Variants in RARB observed in about 807,000 individuals in gnomAD.
The protein encoded by RARB is HBV-activated protein.
Under a neutral mutation model 51.9 loss-of-function variants are expected in RARB, and 17 were observed. The ratio of observed to expected loss-of-function variants is 0.33; its 90% CI spans 0.22 to 0.49. The LOEUF (loss-of-function observed/expected upper bound fraction) is 0.49. RARB is among the 20% of genes least tolerant of loss of function. The pLI, the probability that RARB is intolerant of heterozygous loss-of-function variation, is 0.99. For missense variants in RARB, 369 were observed against 550.8 expected (o/e 0.67, Z 3.30); for synonymous variants, 215 against 195.4 (o/e 1.10, Z -0.84).
intron 3 of RARB, among the ~76,000 whole-genome samples, chr3:25,516,156 G>T (rs974561250): frequency 6.6e-6 from 1 of 152,098 alleles, no homozygotes; most frequent in African/African-American, 2.4e-5. Flanking sequence ...ACCCCAAATT[G>T]CATCAACCCA....
intron 1 of RARB, among the ~76,000 whole-genome samples, chr3:24,839,945 G>T (rs932776894): frequency 6.6e-6 from 1 of 152,168 alleles, no homozygotes; most frequent in African/African-American, 2.4e-5. Flanking sequence ...GTCTCCAGCT[G>T]AGTGGGAGCA....
chr3:24,898,973 C>G (rs1703538998), intron 2 of RARB, among the ~76,000 whole-genome samples: 1 of 152,150 alleles, frequency 6.6e-6, no homozygotes, highest in Non-Finnish European at 1.5e-5. Flanking sequence ...ATGACCACCT[C>G]TGGCTTGAAG....
chr3:25,418,360 A>G (rs1340263590), intron 5 of RARB, among the ~76,000 whole-genome samples: 3 of 152,216 alleles, frequency 2.0e-5, no homozygotes, highest in Non-Finnish European at 4.4e-5. Flanking sequence ...ATTTATAAAA[A>G]TCTTTCTCAT....
At chr3:24,991,446 A>G (rs1298805644) in intron 2 of RARB, among the ~76,000 whole-genome samples, 1 of 151,478 alleles carries the variant, frequency 6.6e-6, no homozygotes, top group Non-Finnish European at 1.5e-5. Context: ...TCTGTCTCAA[A>G]AAAAAAAGAA....
At chr3:25,257,540 A>C (rs1281384576) in intron 5 of RARB, among the ~76,000 whole-genome samples, 1 of 152,044 alleles carries the variant, frequency 6.6e-6, no homozygotes, top group Non-Finnish European at 1.5e-5. Context: ...GTTTTGGATG[A>C]ATAATGAGAT....
chr3:25,071,681 T>C (rs527477249), intron 3 of RARB, among the ~76,000 whole-genome samples: 5 of 152,288 alleles, frequency 3.3e-5, no homozygotes, highest in Admixed American at 3.3e-4. Flanking sequence ...ATCAATGGCA[T>C]GATTAAAAAG....
chr3:25,434,396 A>G (rs549238766), intron 1 of RARB, among the ~76,000 whole-genome samples: 1 of 152,276 alleles, frequency 6.6e-6, no homozygotes, highest in East Asian at 1.9e-4. Context: ...GCTGTTAACA[A>G]TTCACTGCTG....
At chr3:25,188,007 G>C (rs1265547405) in intron 5 of RARB, among the ~76,000 whole-genome samples, 1 of 152,000 alleles carries the variant, frequency 6.6e-6, no homozygotes, top group Non-Finnish European at 1.5e-5. Flanking sequence ...TGTCGATGGA[G>C]AAATGAATGT....
intron 2 of RARB, among the ~76,000 whole-genome samples, chr3:24,992,466 G>A (rs1374194696): frequency 6.6e-6 from 1 of 152,082 alleles, no homozygotes; most frequent in Non-Finnish European, 1.5e-5. Context: ...AGAAAATTTG[G>A]TGGATGTTTC....
intron 2 of RARB, among the ~76,000 whole-genome samples, chr3:25,045,115 G>A (rs1559445906): frequency 6.6e-6 from 1 of 152,188 alleles, no homozygotes; most frequent in Non-Finnish European, 1.5e-5. Context: ...GAAGATGTCA[G>A]GTCTGTTTCT....
Position 25,218,344 on chromosome 3 carries a change from CT to C in RARB, c.178+43776del, listed in dbSNP as rs766406015. 3.9e-5 allele frequency among the ~76,000 whole-genome samples: 6 copies of C among 152,080 alleles called. No homozygotes were observed. In the East Asian group the frequency reaches 1.2e-3, roughly 29 times the overall value. ...ACACACATATCCGCCCCCTAGGTTA[CT>C]TTTTTTGTTACTACCCACCCCCCAA... On this transcript the variant is annotated intron_variant, in intron 5 of 11. Coordinates refer to the RARB transcript ENST00000383772.
At chr3:25,376,206 T>C (rs1242942289) in intron 5 of RARB, among the ~76,000 whole-genome samples, 4 of 152,194 alleles carry the variant, frequency 2.6e-5, no homozygotes, top group Non-Finnish European at 5.9e-5. Context: ...CACTCTACTT[T>C]GGATATCTTA....
chr3:24,912,299 C>A (rs190564008), intron 2 of RARB, among the ~76,000 whole-genome samples: 2 of 152,178 alleles, frequency 1.3e-5, no homozygotes, highest in Non-Finnish European at 2.9e-5. Context: ...AGTTAGGGAA[C>A]ATTTCTGTAC....
intron 3 of RARB, among the ~76,000 whole-genome samples, chr3:25,109,408 G>T (rs555456100): frequency 2.1e-4 from 32 of 151,786 alleles, no homozygotes; most frequent in African/African-American, 7.5e-4. Context: ...ACTATGATCT[G>T]GGGGGATCAA....
chr3:25,513,357 G>A lies in RARB; in HGVS notation c.448+12034G>A, dbSNP rs534057588. Among the ~76,000 whole-genome samples the A allele has an allele frequency of 2.0e-5, 3 of 151,444 alleles. No individual in the cohort carries two copies. The South Asian group carries it at 6.2e-4, about 31-fold the overall frequency. On this transcript the variant is annotated intron_variant, in intron 3 of 7. Transcript: ENST00000330688. Reference sequence around the variant, plus strand: ...AAAGGAAAGAAATGAAGAAAAGAAAGAAAAGGGTACCTAAGGACTGGGGAT... The same window carrying A: ...AAAGGAAAGAAATGAAGAAAAGAAAAAAAAGGGTACCTAAGGACTGGGGAT...
chr3:25,148,227 G>A (rs1426819423), intron 4 of RARB, among the ~76,000 whole-genome samples: 1 of 151,270 alleles, frequency 6.6e-6, no homozygotes, highest in African/African-American at 2.4e-5. Flanking sequence ...GCCAATCAGG[G>A]GGGCATTTTG....
chr3:24,975,231 T>C (rs1475541114), intron 2 of RARB, among the ~76,000 whole-genome samples: 1 of 152,184 alleles, frequency 6.6e-6, no homozygotes, highest in Non-Finnish European at 1.5e-5. Context: ...CTGATAATTC[T>C]AATTCTATCT....
At chr3:24,981,407 T>C (rs954520873) in intron 2 of RARB, among the ~76,000 whole-genome samples, 1 of 152,180 alleles carries the variant, frequency 6.6e-6, no homozygotes, top group African/African-American at 2.4e-5. Flanking sequence ...TAGGCCTTGT[T>C]GAGCTGCAGT....
Position 25,416,116 on chromosome 3 carries a change from G to A in RARB, c.179-45077G>A, listed in dbSNP as rs913894504. Among the ~76,000 whole-genome samples the A allele has an allele frequency of 4.6e-5, 7 of 152,208 alleles. No individual in the cohort carries two copies. In the South Asian group the frequency reaches 8.3e-4, roughly 18 times the overall value. Reference sequence around the variant, plus strand: ...ATGCCAATATCTAAGCAAAGGCTGGGTGTAGTGGGTCACACCCATAATCCC... The same window carrying A: ...ATGCCAATATCTAAGCAAAGGCTGGATGTAGTGGGTCACACCCATAATCCC... On this transcript the variant is annotated intron_variant, in intron 5 of 11. Transcript: ENST00000383772.
Sources: gnomAD v4.1 joint callset for allele counts (sites outside exome capture counted in the v4.1 genomes callset) on GRCh38, gnomAD v4.1.1 for gene constraint, MANE v1.5 for transcripts, NCBI Gene and HGNC (gene_info 2026-07-23, HGNC 2026-07-21) for gene names.